TFDP2: variants seen among roughly 807,000 people sequenced by gnomAD.
TFDP2 encodes the protein transcription factor Dp-2, also known as transcription factor Dp-2 (E2F dimerization partner 2).
A neutral mutation model predicts 59.3 loss-of-function variants in TFDP2; 17 were observed. The observed-to-expected ratio is 0.29, with a 90% CI of 0.20 to 0.43. The LOEUF is 0.43. TFDP2 is among the 20% of genes least tolerant of loss of function. The pLI, the probability that TFDP2 is intolerant of heterozygous loss-of-function variation, is 1.00. For missense variants in TFDP2, 391 were observed against 528.8 expected, an observed-to-expected ratio of 0.74 and a Z score of 2.56; for synonymous variants, 180 against 194.7, an observed-to-expected ratio of 0.92 and a Z score of 0.63.
At chr3:142,144,766 C>T (rs929861548) in intron 1 of TFDP2, among the ~76,000 whole-genome samples, 1 of 152,192 alleles carries the variant, frequency 6.6e-6, no homozygotes, top group African/African-American at 2.4e-5. Flanking sequence ...GTCTTGAGCT[C>T]CTGGGCTCAG....
intron 3 of TFDP2, among the ~76,000 whole-genome samples, chr3:142,067,828 C>A (rs960805610): frequency 2.6e-5 from 4 of 151,908 alleles, no homozygotes; most frequent in African/African-American, 4.8e-5. Context: ...CAAAGTGAGA[C>A]CCTGTCTCTA....
intron 3 of TFDP2, among the ~76,000 whole-genome samples, chr3:142,068,896 G>C (rs533612472): frequency 6.6e-6 from 1 of 151,886 alleles, no homozygotes; most frequent in East Asian, 1.9e-4. Flanking sequence ...TATATACCCA[G>C]ATCACTGTTT....
At chr3:141,993,717 G>C (rs1006601308) in intron 5 of TFDP2, 132 bp from the exon 6 acceptor site, 23 of 470,458 alleles carry the variant, frequency 4.9e-5, no homozygotes, top group Non-Finnish European at 1.1e-5. Flanking sequence ...AAATACAAAA[G>C]ATAGGTACAT....
chr3:142,060,510 C>T (rs2059883562), intron 3 of TFDP2, among the ~76,000 whole-genome samples: 1 of 152,104 alleles, frequency 6.6e-6, no homozygotes, highest in East Asian at 1.9e-4. Context: ...GGTACAAGTC[C>T]CATGTTGTCT....
chr3:141,981,158 T>G (rs1217619332), intron 6 of TFDP2, among the ~76,000 whole-genome samples: 2 of 152,200 alleles, frequency 1.3e-5, no homozygotes, highest in Non-Finnish European at 2.9e-5. Context: ...CAAGGTATTT[T>G]TACTCTACTT....
At chr3:142,080,817 T>C (rs1350841221) in intron 3 of TFDP2, among the ~76,000 whole-genome samples, 1 of 152,140 alleles carries the variant, frequency 6.6e-6, no homozygotes, top group African/African-American at 2.4e-5. Flanking sequence ...TACCCAACAC[T>C]GGAGCACACA....
At chr3:142,048,692 A>T (rs1947467737) in intron 3 of TFDP2, among the ~76,000 whole-genome samples, 1 of 152,070 alleles carries the variant, frequency 6.6e-6, no homozygotes, top group African/African-American at 2.4e-5. Flanking sequence ...CAGCCTGCCC[A>T]GTAGCTAGGA....
chr3:142,091,489 C>G (rs938452107), intron 3 of TFDP2, among the ~76,000 whole-genome samples: 1 of 151,934 alleles, frequency 6.6e-6, no homozygotes, highest in African/African-American at 2.4e-5. Flanking sequence ...TCACTTGAAC[C>G]CGGGAAGTGG....
intron 3 of TFDP2, among the ~76,000 whole-genome samples, chr3:142,015,708 A>G (rs747673736): frequency 1.3e-5 from 2 of 152,202 alleles, no homozygotes; most frequent in Non-Finnish European, 2.9e-5. Flanking sequence ...TCTCTAATAC[A>G]GCACTCACTA....
chr3:142,129,837 G>T (rs1043208350), intron 1 of TFDP2, among the ~76,000 whole-genome samples: 1 of 152,002 alleles, frequency 6.6e-6, no homozygotes, highest in Non-Finnish European at 1.5e-5. Context: ...CATGTGAAAA[G>T]ATACTCAACA....
chr3:142,082,602 C>T (rs1295985003), intron 3 of TFDP2, among the ~76,000 whole-genome samples: 1 of 152,094 alleles, frequency 6.6e-6, no homozygotes, highest in Non-Finnish European at 1.5e-5. Flanking sequence ...CCCTGATGTA[C>T]ACTGATGCAA....
At chr3:141,999,329 T>G (rs1000363220) in intron 4 of TFDP2, among the ~76,000 whole-genome samples, 1 of 152,224 alleles carries the variant, frequency 6.6e-6, no homozygotes, top group African/African-American at 2.4e-5. Flanking sequence ...GAAATAACAT[T>G]AATATAACAT....
At chr3:142,109,930 T>C (rs1002283972) in intron 1 of TFDP2, among the ~76,000 whole-genome samples, 5 of 152,034 alleles carry the variant, frequency 3.3e-5, no homozygotes, top group Admixed American at 3.3e-4. Flanking sequence ...CAGGCTGGAG[T>C]GCAGTGGCAT....
chr3:142,132,839 C>A (rs1293535090), intron 1 of TFDP2, among the ~76,000 whole-genome samples: 1 of 145,706 alleles, frequency 6.9e-6, no homozygotes, highest in African/African-American at 2.6e-5. Flanking sequence ...AAAATACTCC[C>A]AAAAGAAACT....
intron 1 of TFDP2, among the ~76,000 whole-genome samples, chr3:142,135,777 G>A (rs2062706262): frequency 1.3e-5 from 2 of 152,032 alleles, no homozygotes; most frequent in Non-Finnish European, 1.5e-5. Context: ...GGGTATATGT[G>A]CCACAATTTC....
chr3:141,966,324 C>CA (rs1391455409), intron 9 of TFDP2, among the ~76,000 whole-genome samples: 2 of 151,830 alleles, frequency 1.3e-5, no homozygotes, highest in Admixed American at 1.3e-4. Flanking sequence ...AGGCACCCGC[C>CA]ACCATGCCTG....
chr3:141,969,190 A>G (rs1187405593), intron 9 of TFDP2, among the ~76,000 whole-genome samples: 4 of 88,684 alleles, frequency 4.5e-5, no homozygotes. Context: ...CATATATATG[A>G]GATATATATA....
chr3:142,078,628 C>G (rs568919222), intron 3 of TFDP2, among the ~76,000 whole-genome samples: 27 of 152,272 alleles, frequency 1.8e-4, no homozygotes, highest in African/African-American at 5.8e-4. Flanking sequence ...AAACTTGAAT[C>G]ACAACACCCA....
chr3:142,052,534 C>G (rs1200681970), intron 3 of TFDP2, among the ~76,000 whole-genome samples: 7 of 151,810 alleles, frequency 4.6e-5, no homozygotes, highest in African/African-American at 1.5e-4. Context: ...GAGCGAGACT[C>G]TGTCTCAAAG....
Sources: gnomAD v4.1 joint callset for allele counts (sites outside exome capture counted in the v4.1 genomes callset) on GRCh38, gnomAD v4.1.1 for gene constraint, MANE v1.5 for transcripts, NCBI Gene and HGNC (gene_info 2026-07-23, HGNC 2026-07-21) for gene names.